Variants in ZNF687 observed in about 807,000 individuals in gnomAD.
The protein encoded by ZNF687 is zinc finger protein 687.
Under a neutral mutation model 71.8 loss-of-function variants are expected in ZNF687, and 13 were observed. The ratio of observed to expected loss-of-function variants is 0.18; its 90% confidence interval spans 0.12 to 0.29. The LOEUF is 0.29. ZNF687 is among the 10% of genes least tolerant of loss of function. ZNF687 has a pLI of 1.00. For missense variants in ZNF687, 1,412 were observed against 1,625.6 expected (o/e 0.87, Z 2.26); for synonymous variants, 673 against 641.6 (o/e 1.05, Z -0.74).
In ZNF687 at chr1:151,289,355, T is replaced by TC. The variant is rs779874714; in HGVS notation, c.2472-23_2472-22insC. On this transcript the variant is annotated intron_variant, in intron 4 of 8. Transcript: ENST00000336715. Reference sequence around the variant, plus strand: ...AGGGGCTGCACCCAACCCTGCCTGATGTCTGCACTGTCCTCACTTCAGGCT... The same window carrying TC: ...AGGGGCTGCACCCAACCCTGCCTGATCGTCTGCACTGTCCTCACTTCAGGCT... The TC allele has an allele frequency of 5.6e-6, 9 of 1,613,992 alleles. No homozygotes were observed. In the African/African-American group the frequency reaches 1.1e-4, roughly 19 times the overall value.
rs1337016507 is a variant in ZNF687 at position 151,291,524 on chromosome 1, T to G, written c.*315T>G. 3.4e-6 allele frequency: 1 copy of G among 298,096 alleles called. No individual in the cohort carries two copies. The highest frequency in any genetic ancestry group is 6.4e-6 in the Non-Finnish European group (1 of 157,054). The allele number at this position is 298,096 out of a possible 1,614,324, so 18.5% of individuals were successfully genotyped here. A position where few individuals can be genotyped will look rare whatever the true frequency, so the allele number is the denominator to read the frequency against. On this transcript the variant is annotated 3_prime_UTR_variant, in exon 9 of 9. Coordinates refer to ENST00000336715, the MANE Select transcript of ZNF687 (RefSeq NM_020832.3). ...GAGGATGGGACTTAGGTATGCCTGCTAGACAGGTTCAGGGAAGGACTGATG... is the reference window on the plus strand; with the variant it reads ...GAGGATGGGACTTAGGTATGCCTGCGAGACAGGTTCAGGGAAGGACTGATG...
In ZNF687 at chr1:151,291,194, T is replaced by C; in HGVS notation, c.3699T>C (p.Ala1233=). The change falls in exon 9 of 9, where the codon GCT becomes GCC. Residue 1233 remains alanine, a synonymous_variant. Coordinates refer to ENST00000336715, the MANE Select transcript of ZNF687 (RefSeq NM_020832.3). ...CGTTCATCAGGGCTCGGCAGGGGGC[T>C]GTTGGGGACAACTAGTCTCCAAGGC... is the stretch of plus-strand genomic sequence containing the variant. The part of the protein sequence containing the change: ...GMAFIRARQG[A]VGDN 7.5e-6 allele frequency: 12 copies of C among 1,610,654 alleles called. No homozygotes were observed. The highest frequency in any genetic ancestry group is 1.0e-5 in the Non-Finnish European group (12 of 1,178,384).
At position 151,287,327 on chromosome 1, in the gene ZNF687, G is replaced by A; in HGVS notation, c.1036G>A (p.Val346Ile). 1 of 1,614,226 alleles carries A rather than the reference G, an allele frequency of 6.2e-7. No individual in the cohort carries two copies. The highest frequency in any genetic ancestry group is 1.1e-5 in the South Asian group (1 of 91,086). ...KTSCGNITRT[V>I]TQVPSDPDPP... ...ATCCTGCGGGAATATCACAAGGACT[G>A]TAACTCAGGTCCCCTCAGATCCTGA... The change falls in exon 2 of 9, where the codon GTA becomes ATA. Residue 346 changes from valine to isoleucine, a missense_variant. Val to Ile is a conservative substitution (Grantham distance 29, BLOSUM62 3). This residue lies in a region of ZNF687 where 490 missense variants were observed against 489.9 expected (regional missense o/e 1.00). Coordinates refer to ENST00000336715, the MANE Select transcript of ZNF687 (RefSeq NM_020832.3). The surrounding 1 kb of genome is among the most constrained non-coding windows in gnomAD (Gnocchi z 5.0).
chr1:151,289,615 G>T (rs879568442), intron 5 of ZNF687, 63 bp from the exon 6 acceptor site: 1 of 1,605,722 alleles, frequency 6.2e-7, no homozygotes, highest in Non-Finnish European at 8.5e-7. Context: ...CTTCAGAAGT[G>T]GGGGGCTTTG....
rs1389254709 is a variant in ZNF687 at position 151,288,145 on chromosome 1, T to C, written c.1854T>C (p.Pro618=). Reference sequence around the variant, plus strand: ...AGCCGGACATCACACCGCTGCTGCCTGTAGCTGTCCCACCTGTCTCTGGAC... The same window carrying C: ...AGCCGGACATCACACCGCTGCTGCCCGTAGCTGTCCCACCTGTCTCTGGAC... ...VGQPDITPLL[P]VAVPPVSGPL... is the part of the protein sequence containing the mutation. The change falls in exon 2 of 9, where the codon CCT becomes CCC. Residue 618 remains proline, a synonymous_variant. Coordinates refer to ENST00000336715, the MANE Select transcript of ZNF687 (RefSeq NM_020832.3). 1 of 1,613,780 alleles carries C rather than the reference T, an allele frequency of 6.2e-7. No homozygotes were observed. Among genetic ancestry groups the C allele is most frequent in the African/African-American group, 1.3e-5 (1 of 74,930 alleles).
chr1:151,288,835 C>A, intron 3 of ZNF687, 129 bp downstream of exon 3: 4 of 1,214,104 alleles, frequency 3.3e-6, no homozygotes, highest in Admixed American at 2.4e-5. Flanking sequence ...CAGACTCAAC[C>A]CTGAGATAGT....
chr1:151,283,513 G>A (rs866046941), intron 1 of ZNF687, among the ~76,000 whole-genome samples: 2 of 152,118 alleles, frequency 1.3e-5, no homozygotes, highest in Admixed American at 1.3e-4. Flanking sequence ...TGCTCTGGGT[G>A]GGTGGCCATC....
upstream of ZNF687, chr1:151,281,815 G>C (rs1038194446): frequency 3.5e-5 from 13 of 368,168 alleles, no homozygotes; most frequent in Non-Finnish European, 6.7e-5. Flanking sequence ...CTACACTTCT[G>C]TGCTCCACTC....
chr1:151,290,825 C>A lies in ZNF687; in HGVS notation c.3330C>A (p.Gly1110=), dbSNP rs376434390. 2 of 1,613,828 alleles carry A rather than the reference C, an allele frequency of 1.2e-6. No individual in the cohort carries two copies. Among genetic ancestry groups the A allele is most frequent in the Admixed American group, 1.7e-5 (1 of 59,998 alleles). ...PRGGPGSGGH[G]PLRYRSSSST... is the part of the protein sequence containing the mutation. ...GCGGACCTGGATCTGGAGGCCATGG[C>A]CCTCTGCGCTACCGGAGCAGCAGCT... The change falls in exon 9 of 9, where the codon GGC becomes GGA. Residue 1110 remains glycine (G), a synonymous_variant. Transcript: ENST00000336715.
chr1:151,287,884 C>A lies in ZNF687; in HGVS notation c.1593C>A (p.Thr531=), dbSNP rs142842127. ...PAEAGLALPP[T]GYRCLECGDA... is the part of the protein sequence containing the mutation. ...AGGCTGGGCTGGCCCTGCCTCCCAC[C>A]GGCTACCGCTGCCTGGAGTGTGGGG... The change falls in exon 2 of 9, where the codon ACC becomes ACA. Residue 531 remains threonine (T), a synonymous_variant. Transcript: ENST00000336715. This position sits in a 1 kb window ranked among gnomAD's most constrained non-coding sequence, Gnocchi z 5.0. 5.6e-6 allele frequency: 9 copies of A among 1,613,798 alleles called. No individual in the cohort carries two copies. Among genetic ancestry groups the A allele is most frequent in the Middle Eastern group, 3.3e-4 (2 of 6,084 alleles).
upstream of ZNF687, chr1:151,282,117 A>T (rs941876062): frequency 7.9e-7 from 1 of 1,259,950 alleles, no homozygotes; most frequent in Admixed American, 2.7e-5. Flanking sequence ...CCCAATGAGC[A>T]TAAGAGGACT....
rs77324383 is a variant in ZNF687, at chr1:151,283,211, C to T, written c.-18+816C>T. On this transcript the variant is annotated intron_variant, in intron 1 of 8. Coordinates refer to ENST00000336715, the MANE Select transcript of ZNF687 (RefSeq NM_020832.3). ...AGGACTTGCTCCCCGCGCCAGCCCT[C>T]GGCAGATGGCAGGGACTTAATTCCG... 2.8e-4 allele frequency: 275 copies of T among 985,450 alleles called. 3 individuals are homozygous for T. The East Asian group carries it at 0.023, about 82-fold the overall frequency. The allele number at this position is 985,450 out of a possible 1,614,324, so 61.0% of individuals were successfully genotyped here.
rs756824990 is a variant in ZNF687, at chr1:151,289,202, T to TC, written c.2403dup (p.Lys802GlnfsTer58). On this transcript the variant is annotated frameshift_variant, in exon 4 of 9. Coordinates refer to ENST00000336715, the MANE Select transcript of ZNF687 (RefSeq NM_020832.3). LOFTEE classifies it high-confidence loss of function. ...AAGTGCCCCATCTGCCCCATGGCCTTCAAGTCTGGGCCAAGTGCCCATGCC... is the reference window on the plus strand; with the variant it reads ...AAGTGCCCCATCTGCCCCATGGCCTTCCAAGTCTGGGCCAAGTGCCCATGCC... 6.2e-7 allele frequency: 1 copy of TC among 1,614,158 alleles called. No individual in the cohort carries two copies. Among genetic ancestry groups the TC allele is most frequent in the Non-Finnish European group, 8.5e-7 (1 of 1,180,042 alleles).
intron 1 of ZNF687, chr1:151,283,235 C>T (rs1693800674): frequency 3.0e-6 from 3 of 985,420 alleles, no homozygotes; most frequent in Admixed American, 6.1e-5. Context: ...GACTTAATTC[C>T]GTCTGCTACC....
At position 151,287,932 on chromosome 1, in the gene ZNF687, C is replaced by T. The variant is rs370047104; in HGVS notation, c.1641C>T (p.Ser547=). The change falls in exon 2 of 9, where the codon AGC becomes AGT. Residue 547 remains serine, a synonymous_variant. Coordinates refer to ENST00000336715, the MANE Select transcript of ZNF687 (RefSeq NM_020832.3). The surrounding 1 kb of genome is among the most constrained non-coding windows in gnomAD (Gnocchi z 5.0). ...ECGDAFSLEK[S]LARHYDRRSM... is the part of the protein sequence containing the mutation. ...GGGATGCCTTCTCATTGGAGAAGAGCCTGGCACGGCACTATGACCGTCGGA... is the reference window on the plus strand; with the variant it reads ...GGGATGCCTTCTCATTGGAGAAGAGTCTGGCACGGCACTATGACCGTCGGA... The T allele has an allele frequency of 6.2e-6, 10 of 1,613,894 alleles. No individual in the cohort carries two copies. The African/African-American group carries it at 8.0e-5, about 13-fold the overall frequency.
At chr1:151,281,815 G>T (rs1038194446), upstream of ZNF687, 1 of 368,168 alleles carries the variant, frequency 2.7e-6, no homozygotes, top group African/African-American at 2.1e-5. Flanking sequence ...CTACACTTCT[G>T]TGCTCCACTC....
rs149487980 is a variant in ZNF687, at chr1:151,286,291, T to C, written c.-1T>C. On this transcript the variant is annotated 5_prime_UTR_variant, in exon 2 of 9. Coordinates refer to ENST00000336715, the MANE Select transcript of ZNF687 (RefSeq NM_020832.3). ...TTTCATCAGGTCTGGGATCTGCCGA[T>C]ATGGGGGATATGAAGACCCCTGATT... 26 of 1,550,356 alleles carry C rather than the reference T, an allele frequency of 1.7e-5. No individual in the cohort carries two copies. The highest frequency in any genetic ancestry group is 2.0e-5 in the Non-Finnish European group (23 of 1,151,930).
In ZNF687 at chr1:151,291,269, G is replaced by A; in HGVS notation, c.*60G>A. 1 of 1,530,520 alleles carries A rather than the reference G, an allele frequency of 6.5e-7. No individual in the cohort carries two copies. The highest frequency in any genetic ancestry group is 1.3e-5 in the South Asian group (1 of 79,316). The allele number at this position is 1,530,520 out of a possible 1,614,324, so 94.8% of individuals were successfully genotyped here. On this transcript the variant is annotated 3_prime_UTR_variant, in exon 9 of 9. Coordinates refer to ENST00000336715, the MANE Select transcript of ZNF687 (RefSeq NM_020832.3). ...TTGGAGCCTGGTTTTCCCTACTGCTGCCTGATCCCTCGGCTGGGGAGTTTT... is the reference window on the plus strand; with the variant it reads ...TTGGAGCCTGGTTTTCCCTACTGCTACCTGATCCCTCGGCTGGGGAGTTTT...
chr1:151,288,563 C>T lies in ZNF687; in HGVS notation c.2151C>T (p.Arg717=), dbSNP rs760635319. The change falls in exon 3 of 9, where the codon CGC becomes CGT. Residue 717 remains arginine, a synonymous_variant. Transcript: ENST00000336715. ...CCTGCCCCATGATGCTCCCCAATCGCTGCAGCTTCAGCGCCCACCAGCGCA... is the reference window on the plus strand; with the variant it reads ...CCTGCCCCATGATGCTCCCCAATCGTTGCAGCTTCAGCGCCCACCAGCGCA... ...CPTCPMMLPN[R]CSFSAHQRMH... is the part of the protein sequence containing the mutation. 8.7e-6 allele frequency: 14 copies of T among 1,613,372 alleles called. No individual in the cohort carries two copies. The highest frequency in any genetic ancestry group is 1.2e-5 in the Non-Finnish European group (14 of 1,179,552).
Sources: gnomAD v4.1 joint callset for allele counts (sites outside exome capture counted in the v4.1 genomes callset) on GRCh38, gnomAD v4.1.1 for gene constraint, gnomAD v4.1.1 regional missense constraint, Gnocchi (gnomAD v3.1) non-coding constraint, MANE v1.5 for transcripts, NCBI Gene and HGNC (gene_info 2026-07-23, HGNC 2026-07-21) for gene names.